PBX1: variants seen among roughly 807,000 people sequenced by gnomAD.
PBX1 encodes PBX homeobox 1.
Under a neutral mutation model 53.4 loss-of-function variants are expected in PBX1, and 6 were observed. That is an observed-to-expected ratio of 0.11 (90% CI 0.06 to 0.22). The LOEUF (loss-of-function observed/expected upper bound fraction) is 0.22. PBX1 is among the 10% of genes least tolerant of loss of function. The pLI is 1.00. For synonymous variants in PBX1, 204 were observed against 212.3 expected, an observed-to-expected ratio of 0.96 and a Z score of 0.34; for missense variants, 251 against 551.4, an observed-to-expected ratio of 0.46 and a Z score of 5.46.
chr1:164,781,570 C>T (rs1192459488), intron 2 of PBX1, among the ~76,000 whole-genome samples: 4 of 152,270 alleles, frequency 2.6e-5, no homozygotes, highest in African/African-American at 9.6e-5. Flanking sequence ...CTCTTCTACT[C>T]CCTCATCACA....
At chr1:164,693,695 C>T (rs1473711575) in intron 2 of PBX1, among the ~76,000 whole-genome samples, 5 of 152,176 alleles carry the variant, frequency 3.3e-5, no homozygotes, top group African/African-American at 7.2e-5. Flanking sequence ...CCTTCACACA[C>T]TTTTGCTCTC....
intron 8 of PBX1, among the ~76,000 whole-genome samples, chr1:164,830,874 A>G (rs1286106849): frequency 6.6e-6 from 1 of 152,160 alleles, no homozygotes; most frequent in Non-Finnish European, 1.5e-5. Flanking sequence ...GCCCAGACCT[A>G]TTAAATCAGA....
chr1:164,606,135 A>T (rs963751699), intron 2 of PBX1, among the ~76,000 whole-genome samples: 3 of 152,154 alleles, frequency 2.0e-5, no homozygotes, highest in African/African-American at 7.2e-5. Context: ...ATTATTCAAG[A>T]GTTGTAATTT....
intron 2 of PBX1, among the ~76,000 whole-genome samples, chr1:164,864,406 T>A (rs1259837809): frequency 6.6e-6 from 1 of 152,188 alleles, no homozygotes; most frequent in Non-Finnish European, 1.5e-5. Flanking sequence ...AGCCCCAGCC[T>A]CTGTTGCCCA....
chr1:164,618,224 G>A (rs55966498), intron 2 of PBX1, among the ~76,000 whole-genome samples: 9,583 of 148,068 alleles, frequency 0.065, 1,057 homozygotes, highest in African/African-American at 0.22. Context: ...AAAATTAAGT[G>A]CATTATTAGC....
intron 2 of PBX1, among the ~76,000 whole-genome samples, chr1:164,701,077 G>A (rs1487202559): frequency 6.6e-6 from 1 of 151,990 alleles, no homozygotes; most frequent in African/African-American, 2.4e-5. Flanking sequence ...ATATATGCGT[G>A]TCAGATAATA....
At chr1:164,754,793 C>A (rs544983980) in intron 2 of PBX1, among the ~76,000 whole-genome samples, 11 of 152,188 alleles carry the variant, frequency 7.2e-5, no homozygotes, top group Middle Eastern at 3.4e-3. Context: ...GGTGGTACTC[C>A]AGCTCCTCTG....
At chr1:164,788,495 T>C (rs180964930) in intron 2 of PBX1, among the ~76,000 whole-genome samples, 105 of 152,042 alleles carry the variant, frequency 6.9e-4, no homozygotes, top group Middle Eastern at 3.4e-3. Context: ...GCTACAAATA[T>C]GAGCATGCAA....
At chr1:164,711,499 G>A (rs141312836) in intron 2 of PBX1, among the ~76,000 whole-genome samples, 1,570 of 152,272 alleles carry the variant, frequency 0.01, 27 homozygotes, top group African/African-American at 0.036. Flanking sequence ...TCCTGACCTC[G>A]TGATCCACAT....
intron 6 of PBX1, chr1:164,817,933 G>A (rs1455632665): frequency 6.6e-6 from 1 of 152,202 alleles, no homozygotes; most frequent in Non-Finnish European, 1.5e-5. Flanking sequence ...GACTCTCTGG[G>A]TGATGAGACA....
intron 2 of PBX1, among the ~76,000 whole-genome samples, chr1:164,731,531 C>T (rs1157425218): frequency 6.6e-6 from 1 of 152,172 alleles, no homozygotes; most frequent in Non-Finnish European, 1.5e-5. Context: ...GAGGTCCACA[C>T]TGTGAATGCC....
chr1:164,799,804 C>T lies in PBX1; in HGVS notation c.616C>T (p.Arg206Cys). 2 of 1,614,104 alleles carry T rather than the reference C, an allele frequency of 1.2e-6. No individual in the cohort carries two copies. The highest frequency in any genetic ancestry group is 8.5e-7 in the Non-Finnish European group (1 of 1,180,006). ...TGAGCGGATGGTCAGCATCATCCAC[C>T]GCAAGTTCAGCTCCATCCAGATGCA... Reference protein sequence around the residue: ...EIERMVSIIHRKFSSIQMQLK... With the variant: ...EIERMVSIIHCKFSSIQMQLK... The change falls in exon 4 of 9, where the codon CGC becomes TGC. Residue 206 changes from arginine (R) to cysteine (C), a missense_variant. Physicochemically the swap from Arg to Cys is radical, Grantham distance 180. Transcript: ENST00000420696.
At chr1:164,853,935 A>T (rs1170268842), downstream of PBX1, among the ~76,000 whole-genome samples, 2 of 130,992 alleles carry the variant, frequency 1.5e-5, no homozygotes, top group African/African-American at 6.3e-5. Flanking sequence ...ATTTTTATTT[A>T]TTTTATTTTT....
chr1:164,621,822 G>T (rs968846079), intron 2 of PBX1, among the ~76,000 whole-genome samples: 4 of 152,024 alleles, frequency 2.6e-5, no homozygotes, highest in African/African-American at 9.7e-5. Context: ...CATCGAATAG[G>T]CATTTGGGTA....
At chr1:164,679,237 A>G (rs1661607775) in intron 2 of PBX1, among the ~76,000 whole-genome samples, 1 of 152,168 alleles carries the variant, frequency 6.6e-6, no homozygotes. Flanking sequence ...ACCAGGCAGG[A>G]AATGATGGTA....
chr1:164,812,436 C>T (rs1406710604), intron 6 of PBX1, among the ~76,000 whole-genome samples: 1 of 152,112 alleles, frequency 6.6e-6, no homozygotes, highest in Non-Finnish European at 1.5e-5. Flanking sequence ...CTAAATTCTC[C>T]TCTCAGGGAT....
At chr1:164,675,127 A>G (rs1369019634) in intron 2 of PBX1, among the ~76,000 whole-genome samples, 1 of 152,122 alleles carries the variant, frequency 6.6e-6, no homozygotes, top group Non-Finnish European at 1.5e-5. Context: ...CAGGACAATA[A>G]TTGAGGTCTT....
intron 2 of PBX1, among the ~76,000 whole-genome samples, chr1:164,600,284 C>G (rs1199695926): frequency 7.8e-6 from 1 of 127,594 alleles, no homozygotes; most frequent in Admixed American, 1.0e-4. Context: ...CAGAGTCTTA[C>G]TCTGTCGCCC....
chr1:164,561,237 T>C (rs893193318), intron 1 of PBX1, among the ~76,000 whole-genome samples: 5 of 152,240 alleles, frequency 3.3e-5, no homozygotes, highest in African/African-American at 1.2e-4. Flanking sequence ...GACATCATTA[T>C]GTGTATTTCT....
Sources: gnomAD v4.1 joint callset for allele counts (sites outside exome capture counted in the v4.1 genomes callset) on GRCh38, gnomAD v4.1.1 for gene constraint, MANE v1.5 for transcripts, NCBI Gene and HGNC (gene_info 2026-07-23, HGNC 2026-07-21) for gene names.